PHKB: variants seen among roughly 807,000 people sequenced by gnomAD.
PHKB encodes the protein phosphorylase b kinase regulatory subunit beta.
Under a neutral mutation model 152.1 loss-of-function variants are expected in PHKB, and 122 were observed. That is an observed-to-expected ratio of 0.80 (90% CI 0.69 to 0.93). The LOEUF is 0.93. Among genes scored for constraint, PHKB ranks in the 40% least tolerant of loss-of-function variants. The pLI is 0.00. For missense variants in PHKB, 1,304 were observed against 1,328.4 expected (o/e 0.98, Z 0.29); for synonymous variants, 436 against 464.9 (o/e 0.94, Z 0.80).
chr16:47,502,738 G>A (rs1970343522), intron 3 of PHKB, among the ~76,000 whole-genome samples: 1 of 152,108 alleles, frequency 6.6e-6, no homozygotes, highest in Non-Finnish European at 1.5e-5. Flanking sequence ...TAGAAATATT[G>A]TATACTATTT....
At chr16:47,657,461 G>A (rs1002611521) in intron 20 of PHKB, among the ~76,000 whole-genome samples, 1 of 152,110 alleles carries the variant, frequency 6.6e-6, no homozygotes, top group African/African-American at 2.4e-5. Context: ...GAAAGGACCC[G>A]GTGGGATATA....
At position 47,660,329 on chromosome 16, in the gene PHKB, G is replaced by T. The variant is rs575790831; in HGVS notation, c.1972-177G>T. ...TATATTCTATTTTAGGGTTTTTTTT[G>T]TGTGTGTAGAAACCTGTGTGATTTT... is the stretch of plus-strand genomic sequence containing the variant. On this transcript the variant is annotated intron_variant, in intron 20 of 30. Coordinates refer to ENST00000323584, the MANE Select transcript of PHKB (RefSeq NM_000293.3). Among the ~76,000 whole-genome samples, 10 of 151,686 alleles carry T rather than the reference G, an allele frequency of 6.6e-5. No individual in the cohort carries two copies. The South Asian group carries it at 8.3e-4, about 13-fold the overall frequency.
intron 6 of PHKB, among the ~76,000 whole-genome samples, chr16:47,534,294 T>C (rs1427098404): frequency 3.3e-5 from 5 of 152,188 alleles, no homozygotes; most frequent in Non-Finnish European, 7.4e-5. Flanking sequence ...CCTAAAGGTG[T>C]TGGTGGGGCC....
intron 1 of PHKB, among the ~76,000 whole-genome samples, chr16:47,488,447 GGT>G (rs1207266944): frequency 6.6e-6 from 1 of 152,052 alleles, no homozygotes; most frequent in Non-Finnish European, 1.5e-5. Context: ...AGTTTAATTA[GGT>G]TCCAATTGTC....
chr16:47,577,351 A>C (rs975375554), intron 7 of PHKB, among the ~76,000 whole-genome samples: 2 of 152,168 alleles, frequency 1.3e-5, no homozygotes, highest in Non-Finnish European at 2.9e-5. Flanking sequence ...ATTTAGAATC[A>C]TATCAGACAG....
At chr16:47,665,753 C>A in intron 25 of PHKB, 1 of 666,250 alleles carries the variant, frequency 1.5e-6, no homozygotes, top group Non-Finnish European at 2.7e-6. Flanking sequence ...GGATCCCTCC[C>A]TAATTCTGAA....
intron 14 of PHKB, among the ~76,000 whole-genome samples, chr16:47,622,167 A>T (rs925896477): frequency 3.0e-4 from 45 of 152,284 alleles, no homozygotes; most frequent in African/African-American, 1.0e-3. Context: ...TAATGAATCT[A>T]TATTTCTGAC....
intron 12 of PHKB, among the ~76,000 whole-genome samples, chr16:47,595,139 A>C (rs571675184): frequency 6.6e-6 from 1 of 152,354 alleles, no homozygotes; most frequent in African/African-American, 2.4e-5. Context: ...TGCATGTAAT[A>C]TTTGAAATCC....
At chr16:47,659,918 C>G (rs1382149292) in intron 20 of PHKB, among the ~76,000 whole-genome samples, 2 of 152,136 alleles carry the variant, frequency 1.3e-5, no homozygotes, top group African/African-American at 4.8e-5. Flanking sequence ...GGCCAGAGTA[C>G]AGTGGTGCAA....
At chr16:47,664,836 T>A (rs1217449649) in intron 24 of PHKB, 49 bp from the exon 25 acceptor site, 1 of 1,211,576 alleles carries the variant, frequency 8.3e-7, no homozygotes, top group East Asian at 2.4e-5. Flanking sequence ...CTCCTGGAAG[T>A]TTTATTTACT....
chr16:47,694,756 C>T (rs1279559693), intron 28 of PHKB, among the ~76,000 whole-genome samples: 1 of 152,120 alleles, frequency 6.6e-6, no homozygotes, highest in African/African-American at 2.4e-5. Flanking sequence ...GAGTTCAAAC[C>T]CTCTGGCAAG....
chr16:47,666,511 T>A (rs1973541949), intron 25 of PHKB, among the ~76,000 whole-genome samples: 1 of 152,160 alleles, frequency 6.6e-6, no homozygotes, highest in African/African-American at 2.4e-5. Context: ...TCCTCCCCAT[T>A]CACCAGGGCC....
At chr16:47,640,883 C>T in intron 14 of PHKB, 152 bp from the exon 15 acceptor site, 2 of 719,490 alleles carry the variant, frequency 2.8e-6, no homozygotes, top group Non-Finnish European at 5.0e-6. Flanking sequence ...CAGTGGCGAG[C>T]AAGGAAAGAA....
intron 1 of PHKB, among the ~76,000 whole-genome samples, chr16:47,472,467 G>A (rs1033763732): frequency 2.0e-5 from 3 of 152,018 alleles, no homozygotes; most frequent in African/African-American, 4.8e-5. Flanking sequence ...TGTGCAACAT[G>A]ACGAAACCAT....
At chr16:47,509,046 A>G (rs936331092) in intron 4 of PHKB, among the ~76,000 whole-genome samples, 7 of 152,212 alleles carry the variant, frequency 4.6e-5, no homozygotes, top group African/African-American at 1.4e-4. Flanking sequence ...AATGACAAAC[A>G]CCACCTTGTC....
chr16:47,668,322 T>C (rs1973575118), intron 25 of PHKB, among the ~76,000 whole-genome samples: 2 of 152,156 alleles, frequency 1.3e-5, no homozygotes, highest in Non-Finnish European at 2.9e-5. Context: ...AAACCAGCAG[T>C]TCACAGTTTT....
chr16:47,506,231 A>G (rs1274901088), intron 4 of PHKB, among the ~76,000 whole-genome samples: 2 of 151,784 alleles, frequency 1.3e-5, no homozygotes, highest in Non-Finnish European at 2.9e-5. Flanking sequence ...AAGAGTGATA[A>G]CAAGTCTTCT....
At chr16:47,674,774 C>G (rs1973697291) in intron 26 of PHKB, among the ~76,000 whole-genome samples, 1 of 152,072 alleles carries the variant, frequency 6.6e-6, no homozygotes, top group Non-Finnish European at 1.5e-5. Flanking sequence ...TGCACTGAAC[C>G]CTTGGTACTG....
chr16:47,664,833 A>C, intron 24 of PHKB, 52 bp from the exon 25 acceptor site: 1 of 1,126,506 alleles, frequency 8.9e-7, no homozygotes, highest in Middle Eastern at 1.9e-4. Flanking sequence ...GAACTCCTGG[A>C]AGTTTTATTT....
Sources: gnomAD v4.1 joint callset for allele counts (sites outside exome capture counted in the v4.1 genomes callset) on GRCh38, gnomAD v4.1.1 for gene constraint, MANE v1.5 for transcripts, NCBI Gene and HGNC (gene_info 2026-07-23, HGNC 2026-07-21) for gene names.